The following PLCG2 variants were observed in gnomAD, a reference collection of about 807,000 sequenced individuals.
PLCG2 encodes 1-phosphatidylinositol 4,5-bisphosphate phosphodiesterase gamma-2.
PLCG2 carries 69 observed loss-of-function variants against 175.6 expected under a neutral mutation model. The ratio of observed to expected loss-of-function variants is 0.39; its 90% CI spans 0.32 to 0.48. The LOEUF (loss-of-function observed/expected upper bound fraction) is 0.48. Ranked by LOEUF, PLCG2 falls within the 20% of genes least tolerant of loss-of-function variation. The pLI is 0.91. For synonymous variants in PLCG2, 827 were observed against 624.0 expected, an observed-to-expected ratio of 1.33 and a Z score of -4.85; for missense variants, 1,798 against 1,650.9, an observed-to-expected ratio of 1.09 and a Z score of -1.54.
At chr16:81,863,212 C>G (rs1907067943) in intron 5 of PLCG2, among the ~76,000 whole-genome samples, 1 of 152,228 alleles carries the variant, frequency 6.6e-6, no homozygotes, top group Non-Finnish European at 1.5e-5. Context: ...CATTGATTCT[C>G]TCTTTAGCCC....
intron 8 of PLCG2, among the ~76,000 whole-genome samples, chr16:81,882,849 C>G (rs1908155195): frequency 6.6e-6 from 1 of 152,110 alleles, no homozygotes; most frequent in Non-Finnish European, 1.5e-5. Context: ...GAAAGCCCCT[C>G]TGGTCCTCCA....
rs184732759 is a variant in PLCG2, at chr16:81,950,400, A to G, written c.3570+4137A>G. Among the ~76,000 whole-genome samples, 249 of 152,360 alleles carry G rather than the reference A, an allele frequency of 1.6e-3. 2 individuals carry two copies. Among genetic ancestry groups the G allele is most frequent in the African/African-American group, 5.5e-3 (230 of 41,598 alleles). Reference sequence around the variant, plus strand: ...TATAAAAGTCATTAGCAAATAGCATAGTACCTAAGTATATAAGACAAAAAT... The same window carrying G: ...TATAAAAGTCATTAGCAAATAGCATGGTACCTAAGTATATAAGACAAAAAT... On this transcript the variant is annotated intron_variant, in intron 31 of 32. Coordinates refer to ENST00000564138, the MANE Select transcript of PLCG2 (RefSeq NM_002661.5).
rs945091315 is a variant in PLCG2, at chr16:81,959,360, C to G, written c.*1362C>G. On this transcript the variant is annotated 3_prime_UTR_variant, in exon 33 of 33. Transcript: ENST00000564138. ...AAAGCAGGGCAGAACAAATCAGGCTCTGACCAGAAGATCCTTCTGGTCCCT... is the reference window on the plus strand; with the variant it reads ...AAAGCAGGGCAGAACAAATCAGGCTGTGACCAGAAGATCCTTCTGGTCCCT... 5.0e-5 allele frequency: 11 copies of G among 221,890 alleles called. No individual in the cohort carries two copies. The highest frequency in any genetic ancestry group is 2.7e-5 in the Non-Finnish European group (3 of 110,936). The allele number at this position is 221,890 out of a possible 1,614,324, so 13.7% of individuals were successfully genotyped here. A position where few individuals can be genotyped will look rare whatever the true frequency, so the allele number is the denominator to read the frequency against.
intron 5 of PLCG2, among the ~76,000 whole-genome samples, chr16:81,861,106 A>C (rs976245559): frequency 2.0e-5 from 3 of 152,212 alleles, no homozygotes; most frequent in Non-Finnish European, 4.4e-5. Flanking sequence ...TGTATTTGGC[A>C]TGCCAGGGAT....
rs111364529 is a variant in PLCG2, at chr16:81,857,133, A to C, written c.338-1130A>C. Among the ~76,000 whole-genome samples, 10 of 152,346 alleles carry C rather than the reference A, an allele frequency of 6.6e-5. 1 individual carries two copies. Among genetic ancestry groups the C allele is most frequent in the African/African-American group, 2.2e-4 (9 of 41,574 alleles). On this transcript the variant is annotated intron_variant, in intron 3 of 32. Coordinates refer to ENST00000564138, the MANE Select transcript of PLCG2 (RefSeq NM_002661.5). Reference sequence around the variant, plus strand: ...TTTGTTATAGCAGCAGAGGAGACTGATGACTGAACCTTTGATATACTTTGG... The same window carrying C: ...TTTGTTATAGCAGCAGAGGAGACTGCTGACTGAACCTTTGATATACTTTGG...
At chr16:81,848,357 G>C (rs1004952857) in intron 2 of PLCG2, among the ~76,000 whole-genome samples, 11 of 152,208 alleles carry the variant, frequency 7.2e-5, no homozygotes, top group Admixed American at 4.6e-4. Flanking sequence ...TCCTGGGGCA[G>C]GGCTGGCTTC....
chr16:81,938,760 G>A (rs1364930953), intron 28 of PLCG2, 41 bp from the exon 29 acceptor site: 19 of 1,277,348 alleles, frequency 1.5e-5, no homozygotes, highest in Non-Finnish European at 1.9e-5. Flanking sequence ...TGCCTGTTCA[G>A]GACCCCAGGG....
chr16:81,881,438 T>A (rs1469421781), intron 8 of PLCG2, among the ~76,000 whole-genome samples: 5 of 152,328 alleles, frequency 3.3e-5, no homozygotes, highest in Admixed American at 6.5e-5. Flanking sequence ...ATCAGGACAT[T>A]CACTGTGCCT....
At chr16:81,882,473 C>T (rs978672141) in intron 8 of PLCG2, among the ~76,000 whole-genome samples, 1 of 152,202 alleles carries the variant, frequency 6.6e-6, no homozygotes, top group Non-Finnish European at 1.5e-5. Flanking sequence ...TCTGAGGAGG[C>T]CCTTGGGTCT....
At chr16:81,912,219 C>T (rs1012253397) in intron 18 of PLCG2, among the ~76,000 whole-genome samples, 3 of 152,166 alleles carry the variant, frequency 2.0e-5, no homozygotes, top group African/African-American at 7.2e-5. Context: ...AGGCGTGAGC[C>T]ACTGTGCCCA....
intron 1 of PLCG2, among the ~76,000 whole-genome samples, chr16:81,782,772 G>A (rs1463585693): frequency 6.6e-6 from 1 of 152,190 alleles, no homozygotes; most frequent in Non-Finnish European, 1.5e-5. Context: ...GTTAAAATGG[G>A]GCACAGGCAA....
intron 2 of PLCG2, among the ~76,000 whole-genome samples, chr16:81,769,810 A>T (rs1179819998): frequency 4.9e-5 from 6 of 121,312 alleles, no homozygotes; most frequent in Non-Finnish European, 9.8e-5. Context: ...ACAGAGCGAG[A>T]CTCCGTCTCA....
At chr16:81,818,725 C>T (rs1904660777) in intron 2 of PLCG2, among the ~76,000 whole-genome samples, 1 of 151,890 alleles carries the variant, frequency 6.6e-6, no homozygotes, top group Admixed American at 6.6e-5. Context: ...CATCATGATG[C>T]CCCTTGTCAT....
intron 24 of PLCG2, 104 bp downstream of exon 24, chr16:81,928,728 T>C: frequency 2.6e-6 from 2 of 759,508 alleles, no homozygotes; most frequent in South Asian, 1.5e-5. Flanking sequence ...GGTCCTGTCT[T>C]GAATGCCAGC....
At chr16:81,801,609 A>G (rs902195266) in intron 2 of PLCG2, among the ~76,000 whole-genome samples, 10 of 152,210 alleles carry the variant, frequency 6.6e-5, no homozygotes, top group African/African-American at 2.2e-4. Flanking sequence ...TGAAATTACT[A>G]TAGGATTCTA....
intron 2 of PLCG2, among the ~76,000 whole-genome samples, chr16:81,773,460 G>A (rs953148076): frequency 6.6e-6 from 1 of 152,176 alleles, no homozygotes; most frequent in Non-Finnish European, 1.5e-5. Flanking sequence ...CATTGTTGGA[G>A]ACACAGGGGG....
intron 7 of PLCG2, among the ~76,000 whole-genome samples, chr16:81,878,658 G>T (rs1195151527): frequency 2.0e-5 from 3 of 151,962 alleles, no homozygotes; most frequent in Non-Finnish European, 4.4e-5. Context: ...CTTCATCTTG[G>T]CACGTCAGCC....
intron 9 of PLCG2, among the ~76,000 whole-genome samples, chr16:81,887,937 T>G: frequency 6.6e-6 from 1 of 152,240 alleles, no homozygotes; most frequent in East Asian, 1.9e-4. Context: ...GTCATGTATA[T>G]TTCAGACGTT....
At chr16:81,852,122 C>A (rs1042995599) in intron 2 of PLCG2, 5 of 152,222 alleles carry the variant, frequency 3.3e-5, no homozygotes, top group Non-Finnish European at 5.9e-5. Flanking sequence ...TGCTGGAGTT[C>A]AAAGGTACAC....
Sources: gnomAD v4.1 joint callset for allele counts (sites outside exome capture counted in the v4.1 genomes callset) on GRCh38, gnomAD v4.1.1 for gene constraint, MANE v1.5 for transcripts, NCBI Gene and HGNC (gene_info 2026-07-23, HGNC 2026-07-21) for gene names.